The following GAS2L3 variants were observed in gnomAD, a reference collection of about 807,000 sequenced individuals.
GAS2L3 encodes the protein GAS2-like protein 3.
In GAS2L3, 28 loss-of-function variants were observed where a neutral mutation model predicts 37.0. That is an observed-to-expected ratio of 0.76 (90% CI 0.56 to 1.04). The LOEUF (loss-of-function observed/expected upper bound fraction) is 1.04. GAS2L3 is among the 50% of genes least tolerant of loss of function. GAS2L3 has a pLI of 0.00. For synonymous variants in GAS2L3, 290 were observed against 296.6 expected, an observed-to-expected ratio of 0.98 and a Z score of 0.23; for missense variants, 793 against 817.6, an observed-to-expected ratio of 0.97 and a Z score of 0.37.
Position 100,627,526 on chromosome 12 carries a change from C to T in GAS2L3, c.*2636C>T, listed in dbSNP as rs1956344053. ...CTCCTGACCTCAGGTGATCCACCTG[C>T]CTCAGCCTCCCAAAGCGCTGGGATT... On this transcript the variant is annotated 3_prime_UTR_variant, in exon 10 of 10. Transcript: ENST00000547754. The T allele has an allele frequency of 6.6e-6, 1 of 152,194 alleles. No individual in the cohort carries two copies. Among genetic ancestry groups the T allele is most frequent in the Non-Finnish European group, 1.5e-5 (1 of 68,034 alleles). 9.4% of individuals were successfully genotyped at this position (152,194 alleles called of 1,614,324 possible). A position where few individuals can be genotyped will look rare whatever the true frequency, so the allele number is the denominator to read the frequency against.
intron 7 of GAS2L3, among the ~76,000 whole-genome samples, chr12:100,618,184 C>A (rs149818763): frequency 2.2e-4 from 33 of 152,234 alleles, no homozygotes; most frequent in African/African-American, 7.7e-4. Flanking sequence ...CTTTACTCAG[C>A]AGCTGATTCG....
At chr12:100,614,818 T>G (rs1418371570) in intron 6 of GAS2L3, among the ~76,000 whole-genome samples, 1 of 152,222 alleles carries the variant, frequency 6.6e-6, no homozygotes, top group Non-Finnish European at 1.5e-5. Flanking sequence ...AGCACAGTGG[T>G]TCATTTATGT....
intron 6 of GAS2L3, among the ~76,000 whole-genome samples, chr12:100,613,088 T>C (rs1956145687): frequency 6.6e-6 from 1 of 152,224 alleles, no homozygotes; most frequent in Admixed American, 6.5e-5. Context: ...GGGCTGATCA[T>C]TATTGACAGT....
intron 1 of GAS2L3, among the ~76,000 whole-genome samples, chr12:100,586,522 T>A (rs1955783287): frequency 6.6e-6 from 1 of 152,170 alleles, no homozygotes; most frequent in African/African-American, 2.4e-5. Flanking sequence ...TTAAATGTCA[T>A]TTGAACTGAA....
intron 1 of GAS2L3, among the ~76,000 whole-genome samples, chr12:100,576,548 T>C (rs534371897): frequency 6.6e-6 from 1 of 152,320 alleles, no homozygotes; most frequent in South Asian, 2.1e-4. Flanking sequence ...ACATAGAATC[T>C]GAGAAAATAG....
intron 1 of GAS2L3, among the ~76,000 whole-genome samples, chr12:100,585,833 A>T (rs1955774482): frequency 6.6e-6 from 1 of 152,148 alleles, no homozygotes; most frequent in Admixed American, 6.5e-5. Flanking sequence ...GAACTACTGC[A>T]GTGGACTCTT....
intron 1 of GAS2L3, among the ~76,000 whole-genome samples, chr12:100,584,883 G>GTTTT (rs34138123): frequency 5.1e-5 from 4 of 78,196 alleles, no homozygotes; most frequent in Non-Finnish European, 6.8e-5. Context: ...TACTTGAATG[G>GTTTT]TTTTTTTTTT....
At position 100,624,303 on chromosome 12, in the gene GAS2L3, C is replaced by A. The variant is rs17030365; in HGVS notation, c.1498C>A (p.Pro500Thr). The change falls in exon 10 of 10, where the codon CCC becomes ACC. Residue 500 changes from proline to threonine, a missense_variant. Transcript: ENST00000547754. ...ACATTCAAATTCATCCTCAAAATGT[C>A]CCAAGCTGCCTAAAGCAAATATACC... The part of the protein sequence containing the change: ...AAHSNSSSKC[P>T]KLPKANIPVR... 0.024 allele frequency: 39,295 copies of A among 1,613,974 alleles called. 611 individuals carry two copies. The highest frequency in any genetic ancestry group is 0.029 in the Non-Finnish European group (34,557 of 1,179,960).
intron 1 of GAS2L3, chr12:100,580,341 A>G (rs574346078): frequency 2.9e-5 from 8 of 279,374 alleles, no homozygotes; most frequent in Middle Eastern, 1.1e-3. Flanking sequence ...ATATCATTCA[A>G]TGTTTTCTTT....
Position 100,618,540 on chromosome 12 carries a change from A to G in GAS2L3, c.601A>G (p.Ile201Val), listed in dbSNP as rs759989294. 1.9e-6 allele frequency: 3 copies of G among 1,612,646 alleles called. No homozygotes were observed. Among genetic ancestry groups the G allele is most frequent in the South Asian group, 2.2e-5 (2 of 90,800 alleles). Residue 201 changes from isoleucine (I) to valine (V), a missense_variant, in exon 8 of 10, where the codon ATC becomes GTC. Coordinates refer to ENST00000547754, the MANE Select transcript of GAS2L3 (RefSeq NM_174942.3). Reference protein sequence around the residue: ...LLNTSGPEDSISIPKSCCRHE... With the variant: ...LLNTSGPEDSVSIPKSCCRHE... ...TAATACTTCTGGGCCTGAAGATTCC[A>G]TCAGCATTCCAAAATCATGCTGTCG...
At chr12:100,585,478 A>T (rs1302169842) in intron 1 of GAS2L3, among the ~76,000 whole-genome samples, 2 of 140,848 alleles carry the variant, frequency 1.4e-5, no homozygotes, top group African/African-American at 5.3e-5. Context: ...CTGGTCTTGA[A>T]CTCCTGACCT....
intron 5 of GAS2L3, among the ~76,000 whole-genome samples, chr12:100,609,768 G>C (rs1462734972): frequency 6.6e-6 from 1 of 152,272 alleles, no homozygotes; most frequent in Admixed American, 6.5e-5. Context: ...TGGTCCAAAT[G>C]CTTTCTCTAT....
At chr12:100,610,760 C>T (rs913690766) in intron 5 of GAS2L3, among the ~76,000 whole-genome samples, 56 of 152,038 alleles carry the variant, frequency 3.7e-4, no homozygotes, top group African/African-American at 1.0e-3. Context: ...AAAATTTAAA[C>T]CAAACCAAAA....
rs568938837 is a variant in GAS2L3, at chr12:100,579,588, AG to A, written c.-152+5806del. On this transcript the variant is annotated intron_variant, in intron 1 of 9. Transcript: ENST00000547754. The stretch of plus-strand genomic sequence containing the variant: ...TCCGGAAAGATACCAGTTGCATGAC[AG>A]GGTGCATCTTTTGGGAGCTTTAGAA... 254 of 773,600 alleles carry A rather than the reference AG, an allele frequency of 3.3e-4. No individual in the cohort carries two copies. The African/African-American group carries it at 4.0e-3, about 12-fold the overall frequency. The allele number at this position is 773,600 out of a possible 1,614,324, so 47.9% of individuals were successfully genotyped here.
rs146298496 is a variant in GAS2L3, at chr12:100,624,447, C to T, written c.1642C>T (p.Pro548Ser). Residue 548 changes from proline (P) to serine (S), a missense_variant, in exon 10 of 10, where the codon CCA becomes TCA. Coordinates refer to ENST00000547754, the MANE Select transcript of GAS2L3 (RefSeq NM_174942.3). ...QPSDGAPQAK[P>S]VPAQKLKSAL... ...ATCCGATGGAGCCCCACAAGCAAAGCCAGTCCCAGCACAGAAACTTAAATC... is the reference window on the plus strand; with the variant it reads ...ATCCGATGGAGCCCCACAAGCAAAGTCAGTCCCAGCACAGAAACTTAAATC... 23 of 1,613,902 alleles carry T rather than the reference C, an allele frequency of 1.4e-5. No homozygotes were observed. In the African/African-American group the frequency reaches 2.0e-4, roughly 14 times the overall value.
chr12:100,615,518 A>G (rs1044378744), intron 6 of GAS2L3, among the ~76,000 whole-genome samples: 3 of 150,800 alleles, frequency 2.0e-5, no homozygotes, highest in Admixed American at 1.3e-4. Context: ...TAATTTATCT[A>G]TTTTTCTTTT....
chr12:100,607,434 C>A lies in GAS2L3; in HGVS notation c.304-4566C>A, dbSNP rs144868942. Among the ~76,000 whole-genome samples, 752 of 152,122 alleles carry A rather than the reference C, an allele frequency of 4.9e-3. 8 individuals carry two copies. Among genetic ancestry groups the A allele is most frequent in the African/African-American group, 0.017 (716 of 41,492 alleles). Reference sequence around the variant, plus strand: ...GGTTAAATCTGCTAGTGTTTTATAACCTTCTTGTACTTGAATATTGGTATC... The same window carrying A: ...GGTTAAATCTGCTAGTGTTTTATAAACTTCTTGTACTTGAATATTGGTATC... On this transcript the variant is annotated intron_variant, in intron 5 of 9. Coordinates refer to ENST00000547754, the MANE Select transcript of GAS2L3 (RefSeq NM_174942.3).
intron 5 of GAS2L3, among the ~76,000 whole-genome samples, chr12:100,609,452 G>C (rs898173178): frequency 3.3e-5 from 5 of 152,108 alleles, no homozygotes; most frequent in Non-Finnish European, 7.4e-5. Context: ...TGCGCTCCCT[G>C]TCTCCCAAGT....
At chr12:100,578,388 TG>T (rs1432093292) in intron 1 of GAS2L3, among the ~76,000 whole-genome samples, 2 of 152,184 alleles carry the variant, frequency 1.3e-5, no homozygotes, top group African/African-American at 4.8e-5. Flanking sequence ...GAATGATAGA[TG>T]TACAAAGGCA....
Sources: allele counts gnomAD v4.1 joint callset (sites outside exome capture counted in the v4.1 genomes callset), GRCh38; gene constraint gnomAD v4.1.1; transcripts MANE v1.5; gene names NCBI Gene and HGNC (gene_info 2026-07-23, HGNC 2026-07-21).